ALG1: variants seen among roughly 807,000 people sequenced by gnomAD.
The protein encoded by ALG1 is chitobiosyldiphosphodolichol beta-mannosyltransferase.
ALG1 carries 58 observed loss-of-function variants against 55.1 expected under a neutral mutation model. The observed-to-expected ratio is 1.05, with a 90% CI of 0.85 to 1.31. The LOEUF is 1.31. Among genes scored for constraint, ALG1 ranks in the 50% most tolerant of loss-of-function variants. The pLI, the probability that ALG1 is intolerant of heterozygous loss-of-function variation, is 0.00. For missense variants in ALG1, 761 were observed against 598.6 expected (o/e 1.27, Z -2.83); for synonymous variants, 309 against 247.0 (o/e 1.25, Z -2.35).
In ALG1 at chr16:5,075,421, T is replaced by C; in HGVS notation, c.424T>C (p.Trp142Arg). The change falls in exon 4 of 13, where the codon TGG becomes CGG. Residue 142 changes from tryptophan (W) to arginine (R), a missense_variant. Trp to Arg is a moderately radical substitution (Grantham distance 101, BLOSUM62 -3). Coordinates refer to ENST00000262374, the MANE Select transcript of ALG1 (RefSeq NM_019109.5). ...PPGLPSIAVCWFVGCLCGSKL... is the reference protein window; with the variant it reads ...PPGLPSIAVCRFVGCLCGSKL... Reference sequence around the variant, plus strand: ...AGGTCTGCCTAGCATTGCTGTCTGCTGGTTCGTGGGCTGCCTTTGTGGAAG... The same window carrying C: ...AGGTCTGCCTAGCATTGCTGTCTGCCGGTTCGTGGGCTGCCTTTGTGGAAG... 6.2e-7 allele frequency: 1 copy of C among 1,614,226 alleles called. No individual in the cohort carries two copies.
rs1175807279 is a variant in ALG1, at chr16:5,079,605, C to T, written c.902-143C>T. ...TTGGGAGGCTGATGCACGAGAATTA[C>T]TTGAACCCAGGAGGCAGAGGTTGCA... On this transcript the variant is annotated intron_variant, in intron 8 of 12. Transcript: ENST00000262374. 1.6e-5 allele frequency: 16 copies of T among 972,432 alleles called. No individual in the cohort carries two copies. In the African/African-American group the frequency reaches 2.3e-4, roughly 14 times the overall value. The allele number at this position is 972,432 out of a possible 1,614,324, so 60.2% of individuals were successfully genotyped here.
chr16:5,077,551 T>C lies in ALG1; in HGVS notation c.629+17T>C. On this transcript the variant is annotated intron_variant, in intron 5 of 12. Transcript: ENST00000262374. ...GCACATCAGGTACCATGGCCTGGGATGACGGCGGCCTGGGAGAGGCGCGGG... is the reference window on the plus strand; with the variant it reads ...GCACATCAGGTACCATGGCCTGGGACGACGGCGGCCTGGGAGAGGCGCGGG... 1.9e-6 allele frequency: 3 copies of C among 1,613,666 alleles called. No homozygotes were observed. The highest frequency in any genetic ancestry group is 2.5e-6 in the Non-Finnish European group (3 of 1,179,554).
At chr16:5,072,233 C>T in intron 1 of ALG1, 176 bp downstream of exon 1, 2 of 1,509,480 alleles carry the variant, frequency 1.3e-6, no homozygotes, top group Admixed American at 2.1e-5. Flanking sequence ...TAGGTATAGC[C>T]GGCGTTAATC....
At chr16:5,084,204 G>C (rs1055950273) in intron 12 of ALG1, 5 of 290,452 alleles carry the variant, frequency 1.7e-5, no homozygotes, top group Non-Finnish European at 3.3e-5. Flanking sequence ...GTCCAGGTCG[G>C]AAGTCGTTTA....
rs962039953 is a variant in ALG1 at position 5,086,936 on chromosome 16, C to A, written c.*2055C>A. Reference sequence around the variant, plus strand: ...CACCTCAGCCTCCCAAAGCCTCAGCCTCTTACAGTGTTGGGATTACAGGCG... The same window carrying A: ...CACCTCAGCCTCCCAAAGCCTCAGCATCTTACAGTGTTGGGATTACAGGCG... On this transcript the variant is annotated 3_prime_UTR_variant, in exon 13 of 13. Transcript: ENST00000262374. 1.3e-5 allele frequency: 2 copies of A among 152,204 alleles called. No individual in the cohort carries two copies. Among genetic ancestry groups the A allele is most frequent in the Non-Finnish European group, 2.9e-5 (2 of 68,046 alleles). The allele number at this position is 152,204 out of a possible 1,614,324, so 9.4% of individuals were successfully genotyped here.
At chr16:5,077,385 C>T (rs557010204) in intron 4 of ALG1, 60 bp from the exon 5 acceptor site, 61 of 1,416,108 alleles carry the variant, frequency 4.3e-5, no homozygotes, top group South Asian at 4.6e-5. Context: ...TGTCGAGTCA[C>T]GCTGTGGTGG....
chr16:5,085,120 G>T lies in ALG1; in HGVS notation c.*239G>T. On this transcript the variant is annotated 3_prime_UTR_variant, in exon 13 of 13. Coordinates refer to ENST00000262374, the MANE Select transcript of ALG1 (RefSeq NM_019109.5). ...TCTTCTTCTGTTCTTCACGCCCCAT[G>T]CCCCTGCTAGCGTATTACTGTTCTG... 2 of 689,624 alleles carry T rather than the reference G, an allele frequency of 2.9e-6. No homozygotes were observed. Among genetic ancestry groups the T allele is most frequent in the Non-Finnish European group, 4.8e-6 (2 of 416,338 alleles). 42.7% of individuals were successfully genotyped at this position (689,624 alleles called of 1,614,324 possible).
intron 4 of ALG1, 73 bp from the exon 5 acceptor site, chr16:5,077,372 G>T (rs536794045): frequency 6.0e-5 from 78 of 1,307,144 alleles, no homozygotes; most frequent in Admixed American, 4.2e-4. Context: ...CTCTGTTGAG[G>T]GATGTCGAGT....
In ALG1 at chr16:5,084,915, T is replaced by G; in HGVS notation, c.*34T>G. 1 of 1,596,392 alleles carries G rather than the reference T, an allele frequency of 6.3e-7. No homozygotes were observed. The highest frequency in any genetic ancestry group is 8.5e-7 in the Non-Finnish European group (1 of 1,179,746). On this transcript the variant is annotated 3_prime_UTR_variant, in exon 13 of 13. Transcript: ENST00000262374. ...CCAGAGGCTAAAACCCCAGGACCCC[T>G]GCTGTCCTTCCCGCAGCTTCTTCTT...
Position 5,080,941 on chromosome 16 carries a change from T to G in ALG1, c.962-5T>G, listed in dbSNP as rs1369125915. 1.5e-5 allele frequency: 24 copies of G among 1,596,254 alleles called. No individual in the cohort carries two copies. Among genetic ancestry groups the G allele is most frequent in the Non-Finnish European group, 2.0e-5 (24 of 1,179,680 alleles). On this transcript the variant is annotated splice_polypyrimidine_tract_variant and splice_region_variant and intron_variant, in intron 9 of 12. Coordinates refer to ENST00000262374, the MANE Select transcript of ALG1 (RefSeq NM_019109.5). ...CCATGGCAGTGTCTGCTCTTCTCTG[T>G]GAAGGCAAAGGGCCTCTGAGGGAGT...
rs552061637 is a variant in ALG1, at chr16:5,077,323, G to T, written c.540-122G>T. On this transcript the variant is annotated intron_variant, in intron 4 of 12. Transcript: ENST00000262374. ...AAGAAAGAACACTGGCACAGCTGGG[G>T]CTCAGGGAGCTCAAACTCTCCCAGC... 1.7e-5 allele frequency: 14 copies of T among 837,764 alleles called. No homozygotes were observed. The East Asian group carries it at 2.7e-4, about 16-fold the overall frequency. The allele number at this position is 837,764 out of a possible 1,614,324, so 51.9% of individuals were successfully genotyped here. A position where few individuals can be genotyped will look rare whatever the true frequency, so the allele number is the denominator to read the frequency against.
intron 10 of ALG1, among the ~76,000 whole-genome samples, chr16:5,082,065 C>T (rs1358241682): frequency 6.6e-6 from 1 of 152,040 alleles, no homozygotes; most frequent in East Asian, 1.9e-4. Context: ...GCCTCAGCCT[C>T]CCGAGTAGCT....
chr16:5,077,664 C>T (rs1157762795), intron 5 of ALG1, 130 bp downstream of exon 5: 2 of 1,122,832 alleles, frequency 1.8e-6, no homozygotes, highest in Non-Finnish European at 2.6e-6. Flanking sequence ...GGGAGGTGGT[C>T]TTTGGTTTGG....
At chr16:5,075,762 G>A (rs1357337913) in intron 4 of ALG1, among the ~76,000 whole-genome samples, 3 of 152,182 alleles carry the variant, frequency 2.0e-5, no homozygotes, top group Non-Finnish European at 4.4e-5. Flanking sequence ...GGAAATGGTT[G>A]GTTTCGAGCT....
At chr16:5,073,100 G>A (rs1400009749) in intron 2 of ALG1, 53 bp from the exon 3 acceptor site, 7 of 1,611,670 alleles carry the variant, frequency 4.3e-6, no homozygotes, top group East Asian at 2.2e-5. Context: ...TTGAAAAGCC[G>A]TGCAGATTGC....
chr16:5,074,330 A>C (rs1956870220), intron 3 of ALG1, among the ~76,000 whole-genome samples: 1 of 151,592 alleles, frequency 6.6e-6, no homozygotes, highest in Non-Finnish European at 1.5e-5. Flanking sequence ...AATTTTTTTT[A>C]GTAGAGATGG....
chr16:5,073,390 C>A, intron 3 of ALG1, 134 bp downstream of exon 3: 1 of 766,832 alleles, frequency 1.3e-6, no homozygotes, highest in Admixed American at 2.0e-5. Context: ...GAGTAGGAGC[C>A]TATGGTATGT....
intron 11 of ALG1, among the ~76,000 whole-genome samples, chr16:5,082,988 C>T (rs560713779): frequency 4.6e-5 from 7 of 152,202 alleles, no homozygotes; most frequent in South Asian, 2.1e-4. Context: ...GAACTCCACT[C>T]GGGGCTTTTG....
At position 5,077,516 on chromosome 16, in the gene ALG1, C is replaced by T. The variant is rs201011560; in HGVS notation, c.611C>T (p.Ala204Val). 2.2e-5 allele frequency: 35 copies of T among 1,614,034 alleles called. No homozygotes were observed. The highest frequency in any genetic ancestry group is 4.0e-5 in the African/African-American group (3 of 74,914). The change falls in exon 5 of 13, where the codon GCG becomes GTG. Residue 204 changes from alanine to valine, a missense_variant. Physicochemically the swap from Ala to Val is moderately conservative, Grantham distance 64 (BLOSUM62 0). Coordinates refer to ENST00000262374, the MANE Select transcript of ALG1 (RefSeq NM_019109.5). ...ACCAATGCTATGCGAGAAGACCTGG[C>T]GGATAACTGGCACATCAGGTACCAT... ...CVTNAMREDL[A>V]DNWHIRAVTV...
Sources: allele counts gnomAD v4.1 joint callset (sites outside exome capture counted in the v4.1 genomes callset), GRCh38; gene constraint gnomAD v4.1.1; transcripts MANE v1.5; gene names NCBI Gene and HGNC (gene_info 2026-07-23, HGNC 2026-07-21).